The following TRRAP variants were observed in gnomAD, a reference collection of about 807,000 sequenced individuals.
The protein encoded by TRRAP is transformation/transcription domain associated protein, also known as transformation/transcription domain-associated protein.
A neutral mutation model predicts 438.8 loss-of-function variants in TRRAP; 41 were observed. The ratio of observed to expected loss-of-function variants is 0.09; its 90% CI spans 0.07 to 0.12. TRRAP has a LOEUF of 0.12. Ranked by LOEUF, TRRAP falls within the 10% of genes least tolerant of loss-of-function variation. TRRAP has a pLI of 1.00. For synonymous variants in TRRAP, 1,994 were observed against 1,962.9 expected, an observed-to-expected ratio of 1.02 and a Z score of -0.42; for missense variants, 3,122 against 5,055.1, an observed-to-expected ratio of 0.62 and a Z score of 11.60.
intron 31 of TRRAP, among the ~76,000 whole-genome samples, chr7:98,944,431 A>C (rs368772462): frequency 6.6e-6 from 1 of 152,176 alleles, no homozygotes; most frequent in South Asian, 2.1e-4. Context: ...TAGGGGATGG[A>C]GTCGTGGATA....
intron 53 of TRRAP, among the ~76,000 whole-genome samples, chr7:98,972,231 C>T (rs1018517829): frequency 4.6e-5 from 7 of 152,120 alleles, no homozygotes; most frequent in Non-Finnish European, 1.0e-4. Flanking sequence ...TTAGTAGATA[C>T]AGGGTCTTGA....
intron 27 of TRRAP, among the ~76,000 whole-genome samples, chr7:98,933,905 T>C (rs1177044365): frequency 6.6e-6 from 1 of 152,230 alleles, no homozygotes; most frequent in African/African-American, 2.4e-5. Context: ...AGTTTGCTGA[T>C]TACCCAAAGC....
intron 3 of TRRAP, among the ~76,000 whole-genome samples, chr7:98,888,244 G>T (rs1795801792): frequency 7.1e-6 from 1 of 140,128 alleles, no homozygotes; most frequent in Non-Finnish European, 1.6e-5. Flanking sequence ...AAAAAAAAAA[G>T]TTGAACTCCA....
At chr7:98,997,601 G>A (rs1249996821) in intron 67 of TRRAP, among the ~76,000 whole-genome samples, 26 of 149,482 alleles carry the variant, frequency 1.7e-4, no homozygotes. Flanking sequence ...CAGTGGTATA[G>A]ACAGGCTCAA....
intron 53 of TRRAP, among the ~76,000 whole-genome samples, chr7:98,975,040 A>T (rs1238788212): frequency 6.6e-6 from 1 of 152,218 alleles, no homozygotes; most frequent in Non-Finnish European, 1.5e-5. Context: ...AATTCTCCCC[A>T]GCTCTTGGTC....
At chr7:98,878,900 G>T (rs1795284962) in intron 1 of TRRAP, among the ~76,000 whole-genome samples, 1 of 152,170 alleles carries the variant, frequency 6.6e-6, no homozygotes, top group Non-Finnish European at 1.5e-5. Context: ...CTCGGCCTGG[G>T]ACGCGGTCAC....
intron 47 of TRRAP, among the ~76,000 whole-genome samples, 169 bp from the exon 48 acceptor site, chr7:98,964,458 TAC>T (rs1312759041): frequency 6.6e-6 from 1 of 152,202 alleles, no homozygotes; most frequent in African/African-American, 2.4e-5. Context: ...GGAGTGGAAA[TAC>T]AGTGTTTCAT....
In TRRAP at chr7:98,893,623, C is replaced by T. The variant is rs192249394; in HGVS notation, c.367-175C>T. Reference sequence around the variant, plus strand: ...ATGCAGAGCTGGCTGGTGGGATTCCCTTCTGGTGGTGCACTGAAGCTTTCT... The same window carrying T: ...ATGCAGAGCTGGCTGGTGGGATTCCTTTCTGGTGGTGCACTGAAGCTTTCT... On this transcript the variant is annotated intron_variant, in intron 5 of 72. Transcript: ENST00000456197. Among the ~76,000 whole-genome samples the T allele has an allele frequency of 2.9e-3, 439 of 152,312 alleles. 3 individuals are homozygous for T. Among genetic ancestry groups the T allele is most frequent in the Non-Finnish European group, 3.6e-3 (246 of 68,026 alleles).
intron 20 of TRRAP, among the ~76,000 whole-genome samples, chr7:98,919,287 G>A (rs545211617): frequency 3.9e-5 from 6 of 151,990 alleles, no homozygotes; most frequent in Non-Finnish European, 7.4e-5. Flanking sequence ...TAGATCTTGG[G>A]CTTCATCTAG....
At chr7:98,993,450 C>G in intron 65 of TRRAP, 88 bp from the exon 66 acceptor site, 3 of 1,401,940 alleles carry the variant, frequency 2.1e-6, no homozygotes. Flanking sequence ...GGAACCAGCG[C>G]TCCTTTGGCC....
At chr7:98,894,623 G>GT (rs11368752) in intron 6 of TRRAP, among the ~76,000 whole-genome samples, 104,326 of 148,634 alleles carry the variant, frequency 0.7, 40,998 homozygotes, top group South Asian at 0.88. Flanking sequence ...TTCTTTTGTT[G>GT]TTTTTTTTTA....
At chr7:98,985,979 A>G (rs1444958561) in intron 62 of TRRAP, among the ~76,000 whole-genome samples, 1 of 152,124 alleles carries the variant, frequency 6.6e-6, no homozygotes, top group Non-Finnish European at 1.5e-5. Context: ...GACAACTACT[A>G]ATGTACTTTC....
Position 98,890,384 on chromosome 7 carries a change from C to T in TRRAP, c.200C>T (p.Pro67Leu), listed in dbSNP as rs375984896. ...TCTACATTCCTAGAACATATCATCC[C>T]TCGATTCCTTACATTTCTCCAAGAT... ...QYSTFLEHIIPRFLTFLQDGE... is the reference protein window; with the variant it reads ...QYSTFLEHIILRFLTFLQDGE... Residue 67 changes from proline to leucine, a missense_variant, in exon 4 of 73, where the codon CCT (proline) becomes CTT (leucine). Physicochemically the swap from Pro to Leu is moderately conservative, Grantham distance 98. Coordinates refer to ENST00000456197, the MANE Select transcript of TRRAP (RefSeq NM_001375524.1). 1.2e-6 allele frequency: 2 copies of T among 1,606,834 alleles called. No individual in the cohort carries two copies. The highest frequency in any genetic ancestry group is 1.3e-5 in the African/African-American group (1 of 74,572).
In TRRAP at chr7:98,892,510, G is replaced by C. The variant is rs782195919; in HGVS notation, c.348G>C (p.Val116=). The C allele has an allele frequency of 7.4e-6, 12 of 1,610,998 alleles. No homozygotes were observed. The highest frequency in any genetic ancestry group is 8.5e-6 in the Non-Finnish European group (10 of 1,179,352). ...CTCACACAAAAAATGTTTTGTCTGT[G>C]ATGTTTCGCTTTTTAGAGGTAAGTT... ...LRPHTKNVLS[V]MFRFLETENE... The change falls in exon 5 of 73, where the codon GTG becomes GTC. Residue 116 remains valine, a synonymous_variant. Transcript: ENST00000456197.
chr7:98,889,990 T>C (rs1226122111), intron 3 of TRRAP, among the ~76,000 whole-genome samples: 3 of 152,178 alleles, frequency 2.0e-5, no homozygotes, highest in Admixed American at 6.5e-5. Flanking sequence ...AGGCTCTTTG[T>C]TTTCCAGATC....
intron 43 of TRRAP, among the ~76,000 whole-genome samples, chr7:98,957,039 C>G (rs1791651464): frequency 6.6e-6 from 1 of 152,134 alleles, no homozygotes; most frequent in Non-Finnish European, 1.5e-5. Context: ...CTGAGCTCTT[C>G]TCCCACCCTC....
intron 23 of TRRAP, 65 bp from the exon 24 acceptor site, chr7:98,929,924 A>G (rs1790244871): frequency 3.2e-6 from 5 of 1,542,528 alleles, no homozygotes; most frequent in South Asian, 1.1e-5. Context: ...CAAGGAAAAC[A>G]TTGGGGAGTT....
At chr7:98,938,790 T>TAA (rs1790669051) in intron 30 of TRRAP, among the ~76,000 whole-genome samples, 1 of 152,242 alleles carries the variant, frequency 6.6e-6, no homozygotes, top group Non-Finnish European at 1.5e-5. Flanking sequence ...TTATCTGTGG[T>TAA]GTACATTTCT....
At chr7:98,999,359 C>T in intron 67 of TRRAP, 1 of 1,402,868 alleles carries the variant, frequency 7.1e-7, no homozygotes, top group Non-Finnish European at 1.0e-6. Flanking sequence ...ACAGTGATTC[C>T]ACATCCTGCA....
Sources: gnomAD v4.1 joint callset for allele counts (sites outside exome capture counted in the v4.1 genomes callset) on GRCh38, gnomAD v4.1.1 for gene constraint, MANE v1.5 for transcripts, NCBI Gene and HGNC (gene_info 2026-07-23, HGNC 2026-07-21) for gene names.